The following SLIT2 variants were observed in gnomAD, a reference collection of about 807,000 sequenced individuals.
The protein encoded by SLIT2 is slit guidance ligand 2.
A neutral mutation model predicts 185.7 loss-of-function variants in SLIT2; 41 were observed. The observed-to-expected ratio is 0.22, with a 90% CI of 0.17 to 0.29. SLIT2 has a LOEUF of 0.29. Ranked by LOEUF, SLIT2 falls within the 10% of genes least tolerant of loss-of-function variation. The pLI, the probability that SLIT2 is intolerant of heterozygous loss-of-function variation, is 1.00. For missense variants in SLIT2, 1,571 were observed against 1,909.0 expected, an observed-to-expected ratio of 0.82 and a Z score of 3.30; for synonymous variants, 693 against 680.2, an observed-to-expected ratio of 1.02 and a Z score of -0.29.
At chr4:20,611,706 T>G (rs1387929940) in intron 34 of SLIT2, among the ~76,000 whole-genome samples, 1 of 152,200 alleles carries the variant, frequency 6.6e-6, no homozygotes, top group African/African-American at 2.4e-5. Context: ...TAAATTATAT[T>G]TATTGAGCAC....
At chr4:20,291,785 C>T (rs984495435) in intron 4 of SLIT2, among the ~76,000 whole-genome samples, 4 of 151,860 alleles carry the variant, frequency 2.6e-5, no homozygotes, top group South Asian at 4.2e-4. Context: ...ATCTCTAAGC[C>T]GAGTGCCATG....
intron 4 of SLIT2, among the ~76,000 whole-genome samples, chr4:20,464,510 G>A (rs13137693): frequency 0.18 from 26,670 of 151,870 alleles, 2,761 homozygotes; most frequent in Non-Finnish European, 0.23. Context: ...CTCCTCCCTC[G>A]GCAGCTCCAT....
At chr4:20,365,823 G>C (rs192403426) in intron 4 of SLIT2, among the ~76,000 whole-genome samples, 1 of 152,074 alleles carries the variant, frequency 6.6e-6, no homozygotes, top group African/African-American at 2.4e-5. Context: ...ACTTTCTCCA[G>C]TTCTGTGTGA....
chr4:20,349,762 A>G (rs1169082642), intron 4 of SLIT2, among the ~76,000 whole-genome samples: 1 of 152,142 alleles, frequency 6.6e-6, no homozygotes, highest in Non-Finnish European at 1.5e-5. Flanking sequence ...TGTTGACCCT[A>G]TGGGTTCAGT....
intron 4 of SLIT2, among the ~76,000 whole-genome samples, chr4:20,360,929 C>G (rs768504128): frequency 3.9e-5 from 6 of 152,224 alleles, no homozygotes; most frequent in Admixed American, 6.5e-5. Context: ...AGCCATCACC[C>G]TTGTTTTGCA....
chr4:20,524,697 G>A (rs1269216153), intron 14 of SLIT2, among the ~76,000 whole-genome samples: 5 of 152,156 alleles, frequency 3.3e-5, no homozygotes, highest in Non-Finnish European at 7.3e-5. Flanking sequence ...ACAACCGTGA[G>A]GATGCGTTTT....
At chr4:20,420,439 C>CT (rs1395536326) in intron 4 of SLIT2, among the ~76,000 whole-genome samples, 3 of 152,162 alleles carry the variant, frequency 2.0e-5, no homozygotes, top group Non-Finnish European at 2.9e-5. Context: ...TATGCAGACA[C>CT]TAAGTTGTGC....
rs562691896 is a variant in SLIT2, at chr4:20,327,894, G to A, written c.395+59013G>A. ...AATCTAAATGTTGTTTGCAAATTTG[G>A]ACTTTTGAATTTTGCTCTAATGGCT... On this transcript the variant is annotated intron_variant, in intron 4 of 36. Transcript: ENST00000504154. Among the ~76,000 whole-genome samples the A allele has an allele frequency of 6.6e-5, 10 of 152,072 alleles. No individual in the cohort carries two copies. The East Asian group carries it at 1.9e-3, about 29-fold the overall frequency.
At chr4:20,308,259 CT>C (rs1717766190) in intron 4 of SLIT2, among the ~76,000 whole-genome samples, 1 of 152,166 alleles carries the variant, frequency 6.6e-6, no homozygotes, top group South Asian at 2.1e-4. Context: ...ACTTGATCAG[CT>C]CATTGGCTGG....
At chr4:20,515,711 A>T (rs757681411) in intron 11 of SLIT2, among the ~76,000 whole-genome samples, 13 of 152,106 alleles carry the variant, frequency 8.5e-5, no homozygotes, top group Admixed American at 1.3e-4. Context: ...TTTCCTTGAC[A>T]TTTTTTTGAA....
At chr4:20,582,515 A>G (rs1242940931) in intron 29 of SLIT2, among the ~76,000 whole-genome samples, 1 of 152,178 alleles carries the variant, frequency 6.6e-6, no homozygotes, top group East Asian at 1.9e-4. Flanking sequence ...GTTTCTGTTC[A>G]TGTCTTTCAA....
chr4:20,558,101 T>C (rs1724408053), intron 26 of SLIT2, among the ~76,000 whole-genome samples: 1 of 152,014 alleles, frequency 6.6e-6, no homozygotes. Context: ...GTGAACATTG[T>C]TGAAATAGCC....
chr4:20,572,244 T>C (rs970839677), intron 29 of SLIT2, among the ~76,000 whole-genome samples: 3 of 152,188 alleles, frequency 2.0e-5, no homozygotes, highest in Admixed American at 6.5e-5. Context: ...ACTCCAGTTA[T>C]CATCTGTGCT....
intron 4 of SLIT2, among the ~76,000 whole-genome samples, chr4:20,398,853 C>T (rs946106677): frequency 6.6e-6 from 1 of 151,442 alleles, no homozygotes; most frequent in African/African-American, 2.4e-5. Flanking sequence ...TATTTAGCTC[C>T]GTCAATAATG....
At chr4:20,255,146 C>A in intron 1 of SLIT2, 1 of 428,872 alleles carries the variant, frequency 2.3e-6, no homozygotes, top group Non-Finnish European at 4.6e-6. Context: ...CCGGCAGGGG[C>A]CAGCGCGTCT....
At chr4:20,514,416 G>A (rs187590075) in intron 11 of SLIT2, among the ~76,000 whole-genome samples, 11 of 152,196 alleles carry the variant, frequency 7.2e-5, no homozygotes, top group South Asian at 4.2e-4. Flanking sequence ...CTAGGCAGGC[G>A]GATCACTTGA....
At chr4:20,401,427 C>T (rs1726351074) in intron 4 of SLIT2, among the ~76,000 whole-genome samples, 1 of 151,892 alleles carries the variant, frequency 6.6e-6, no homozygotes, top group Non-Finnish European at 1.5e-5. Flanking sequence ...TCATTTGCTT[C>T]TCCTCTGCCT....
At chr4:20,584,892 T>C (rs988914280) in intron 29 of SLIT2, among the ~76,000 whole-genome samples, 2 of 152,036 alleles carry the variant, frequency 1.3e-5, no homozygotes, top group African/African-American at 4.8e-5. Context: ...CCGTCTCTAC[T>C]TAAAATACAA....
At chr4:20,361,007 A>G (rs963857682) in intron 4 of SLIT2, among the ~76,000 whole-genome samples, 1 of 152,182 alleles carries the variant, frequency 6.6e-6, no homozygotes, top group Non-Finnish European at 1.5e-5. Context: ...CTCTCAACAA[A>G]CGCTAATCAG....
Sources: allele counts gnomAD v4.1 joint callset (sites outside exome capture counted in the v4.1 genomes callset), GRCh38; gene constraint gnomAD v4.1.1; transcripts MANE v1.5; gene names NCBI Gene and HGNC (gene_info 2026-07-23, HGNC 2026-07-21).